The following ZZEF1 variants were observed in gnomAD, a reference collection of about 807,000 sequenced individuals.
ZZEF1 encodes zinc finger ZZ-type and EF-hand domain-containing protein 1.
A neutral mutation model predicts 342.8 loss-of-function variants in ZZEF1; 157 were observed. That is an observed-to-expected ratio of 0.46 (90% CI 0.40 to 0.52). ZZEF1 has a LOEUF of 0.52. ZZEF1 is among the 20% of genes least tolerant of loss of function. The pLI is 0.00. For synonymous variants in ZZEF1, 1,505 were observed against 1,429.1 expected (o/e 1.05, Z -1.20); for missense variants, 3,480 against 3,725.6 (o/e 0.93, Z 1.72).
intron 54 of ZZEF1, among the ~76,000 whole-genome samples, 169 bp from the exon 55 acceptor site, chr17:4,007,139 T>C (rs2055820254): frequency 6.6e-6 from 1 of 152,056 alleles, no homozygotes; most frequent in South Asian, 2.1e-4. Flanking sequence ...AAAATGCTAT[T>C]AAGAGCACAT....
chr17:4,027,614 T>TA (rs397794198), intron 42 of ZZEF1, among the ~76,000 whole-genome samples: 1 of 147,558 alleles, frequency 6.8e-6, no homozygotes, highest in Non-Finnish European at 1.5e-5. Context: ...TTTTTTTTTT[T>TA]AAAGAGACAG....
intron 2 of ZZEF1, among the ~76,000 whole-genome samples, chr17:4,120,459 T>C (rs1370617849): frequency 6.6e-6 from 1 of 152,050 alleles, no homozygotes; most frequent in Admixed American, 6.6e-5. Flanking sequence ...TATGTATATA[T>C]AAAAGGGAGT....
intron 14 of ZZEF1, 87 bp from the exon 15 acceptor site, chr17:4,086,742 C>T: frequency 7.3e-7 from 1 of 1,363,278 alleles, no homozygotes; most frequent in Non-Finnish European, 1.0e-6. Context: ...AAGGACTTTC[C>T]TCTAGGCATC....
intron 42 of ZZEF1, among the ~76,000 whole-genome samples, chr17:4,028,752 T>C (rs1415333382): frequency 2.6e-5 from 4 of 152,158 alleles, no homozygotes; most frequent in African/African-American, 4.8e-5. Context: ...AAGAGTATTT[T>C]TGATTTGAGT....
chr17:4,022,880 C>A, intron 43 of ZZEF1, 52 bp from the exon 44 acceptor site: 1 of 1,600,272 alleles, frequency 6.2e-7, no homozygotes, highest in Non-Finnish European at 8.5e-7. Context: ...GAAGAAGGTA[C>A]AACCTTAGCT....
Position 4,074,229 on chromosome 17 carries a change from C to A in ZZEF1, c.3606G>T (p.Trp1202Cys). ...AGACGAGGAGCTGTAAATCCAGCCC[C>A]CAAGACACGGCAACATCGGGCAGCC... ...ACGLPDVAVS[W>C]GLDLQLLVSR... The change falls in exon 24 of 55, where the codon TGG becomes TGT. Residue 1202 changes from tryptophan (W) to cysteine (C), a missense_variant. Transcript: ENST00000381638. 3 of 1,614,122 alleles carry A rather than the reference C, an allele frequency of 1.9e-6. No homozygotes were observed. The highest frequency in any genetic ancestry group is 1.6e-4 in the Middle Eastern group (1 of 6,062).
chr17:4,072,346 A>G (rs1023590945), intron 25 of ZZEF1, among the ~76,000 whole-genome samples: 2 of 152,272 alleles, frequency 1.3e-5, no homozygotes, highest in South Asian at 4.1e-4. Context: ...TGTTTGCCTG[A>G]TAACTCCATC....
rs1253502868 is a variant in ZZEF1 at position 4,075,418 on chromosome 17, C to G, written c.3246G>C (p.Glu1082Asp). The change falls in exon 22 of 55, where the codon GAG becomes GAC. Residue 1082 changes from glutamate (E) to aspartate (D), a missense_variant. This residue lies in a region of ZZEF1 where 1,528 missense variants were observed against 1,624.1 expected (regional missense o/e 0.94). Transcript: ENST00000381638. ...PEGGLRKLDV[E>D]TWQQEQPVVL... ...CCACAGGCTGTTCCTGTTGCCAGGT[C>G]TCAACATCCAGCTATGATAACAAAT... The G allele has an allele frequency of 6.2e-7, 1 of 1,613,928 alleles. No homozygotes were observed. The highest frequency in any genetic ancestry group is 8.5e-7 in the Non-Finnish European group (1 of 1,179,928).
chr17:4,018,078 A>G (rs1404867857), intron 46 of ZZEF1, 107 bp from the exon 47 acceptor site: 2 of 1,404,752 alleles, frequency 1.4e-6, no homozygotes, highest in East Asian at 2.3e-5. Context: ...TTCTGTTAGT[A>G]TCAATGACAT....
At chr17:4,119,765 T>C (rs2145528555) in intron 2 of ZZEF1, among the ~76,000 whole-genome samples, 1 of 152,348 alleles carries the variant, frequency 6.6e-6, no homozygotes, top group East Asian at 1.9e-4. Context: ...TCCTCTTCTT[T>C]CATCACTTTG....
chr17:4,094,203 G>A (rs1004316912), intron 11 of ZZEF1, among the ~76,000 whole-genome samples: 7 of 152,122 alleles, frequency 4.6e-5, no homozygotes, highest in Non-Finnish European at 8.8e-5. Context: ...GTGCAGTGGC[G>A]TGAAGACAGT....
At chr17:4,013,636 G>A (rs750534807) in intron 51 of ZZEF1, 22 bp from the exon 52 acceptor site, 20 of 1,598,640 alleles carry the variant, frequency 1.3e-5, no homozygotes, top group South Asian at 3.4e-5. Flanking sequence ...CCCAAAACAC[G>A]GATATATAAA....
rs2055771351 is a variant in ZZEF1 at position 4,004,939 on chromosome 17, G to T, written c.*1951C>A. 6.6e-6 allele frequency: 1 copy of T among 152,366 alleles called. No homozygotes were observed. Among genetic ancestry groups the T allele is most frequent in the Admixed American group, 6.5e-5 (1 of 15,292 alleles). The allele number at this position is 152,366 out of a possible 1,614,324, so 9.4% of individuals were successfully genotyped here. The stretch of plus-strand genomic sequence containing the variant: ...GCAGTGGGCGGACAGGTGCTCTGGG[G>T]AGCCCAGCGTTTATTTACAGCTGAT... On this transcript the variant is annotated 3_prime_UTR_variant, in exon 55 of 55. Transcript: ENST00000381638.
rs547357978 is a variant in ZZEF1, at chr17:4,109,172, GGTCTT to G, written c.1277+476_1277+480del. On this transcript the variant is annotated intron_variant, in intron 6 of 54. Coordinates refer to ENST00000381638, the MANE Select transcript of ZZEF1 (RefSeq NM_015113.4). ...CTCAACTGATCCATTACTGCAGCCT[GGTCTT>G]GTGACTTCAGGAAAGGTCACAACAT... 5.9e-3 allele frequency among the ~76,000 whole-genome samples: 892 copies of G among 152,196 alleles called. 2 individuals carry two copies. The highest frequency in any genetic ancestry group is 0.024 in the Middle Eastern group (7 of 294).
chr17:4,138,511 G>A (rs1356012701), intron 1 of ZZEF1, among the ~76,000 whole-genome samples: 1 of 152,082 alleles, frequency 6.6e-6, no homozygotes, highest in Non-Finnish European at 1.5e-5. Flanking sequence ...AGTGTGTGTG[G>A]ACTACAACTT....
rs2056577683 is a variant in ZZEF1 at position 4,032,808 on chromosome 17, A to G, written c.6759+20T>C. 1 of 1,611,446 alleles carries G rather than the reference A, an allele frequency of 6.2e-7. No individual in the cohort carries two copies. The highest frequency in any genetic ancestry group is 1.3e-5 in the African/African-American group (1 of 74,908). ...GACTGGAAGGGGTGACCAGGCCCTC[A>G]GGCCTTCAGAGTGTGGTACCTGGGG... On this transcript the variant is annotated intron_variant, in intron 41 of 54. Transcript: ENST00000381638.
At chr17:4,120,722 C>G (rs572134244) in intron 2 of ZZEF1, among the ~76,000 whole-genome samples, 41 of 152,290 alleles carry the variant, frequency 2.7e-4, no homozygotes, top group African/African-American at 9.9e-4. Context: ...AGGTGGAATG[C>G]CCGAGCTCAG....
In ZZEF1 at chr17:4,142,703, G is replaced by A. The variant is rs753713228; in HGVS notation, c.193C>T (p.Pro65Ser). The A allele has an allele frequency of 7.5e-6, 12 of 1,600,712 alleles. No homozygotes were observed. In the African/African-American group the frequency reaches 9.4e-5, roughly 13 times the overall value. ...RLREAAAALL[P>S]TPPCESLVSR... ...ACCAGCGACTCGCAGGGGGGTGTGG[G>A]CAGCAACGCTGCAGCAGCCTCTCGC... The change falls in exon 1 of 55, where the codon CCC (proline) becomes TCC (serine). Residue 65 changes from proline (P) to serine (S), a missense_variant. Around this residue, in one of 5 missense-constraint regions of ZZEF1, gnomAD observed 416 missense variants for 374.2 expected, o/e 1.11. Transcript: ENST00000381638.
At chr17:4,029,730 C>T (rs564391130) in intron 42 of ZZEF1, among the ~76,000 whole-genome samples, 5 of 151,700 alleles carry the variant, frequency 3.3e-5, no homozygotes, top group Non-Finnish European at 4.4e-5. Context: ...AAAAATTAGC[C>T]GGGCATAGTG....
Sources: gnomAD v4.1 joint callset for allele counts (sites outside exome capture counted in the v4.1 genomes callset) on GRCh38, gnomAD v4.1.1 for gene constraint, gnomAD v4.1.1 regional missense constraint, MANE v1.5 for transcripts, NCBI Gene and HGNC (gene_info 2026-07-23, HGNC 2026-07-21) for gene names.